Variants in DCX observed in about 807,000 individuals in gnomAD.
DCX encodes neuronal migration protein doublecortin.
In DCX, 4 loss-of-function variants were observed where a neutral mutation model predicts 20.9. The observed-to-expected ratio is 0.19, with a 90% CI of 0.09 to 0.44. The LOEUF is 0.44. Among genes scored for constraint, DCX ranks in the 20% least tolerant of loss-of-function variants. The pLI is 0.99. For synonymous variants in DCX, 103 were observed against 111.4 expected, an observed-to-expected ratio of 0.92 and a Z score of 0.47; for missense variants, 133 against 296.9, an observed-to-expected ratio of 0.45 and a Z score of 4.06.
chrX:111,299,453 T>C lies in DCX; in HGVS notation c.*2234A>G, dbSNP rs887759660. 1 of 111,426 alleles carries C rather than the reference T, an allele frequency of 9.0e-6. No individual in the cohort carries two copies. Among genetic ancestry groups the C allele is most frequent in the Non-Finnish European group, 1.9e-5 (1 of 53,151 alleles). 9.2% of individuals were successfully genotyped at this position (111,426 alleles called of 1,213,427 possible). A position where few individuals can be genotyped will look rare whatever the true frequency, so the allele number is the denominator to read the frequency against. ...GGATTCTTCCTCTGGTCCTGCTCTT[T>C]ACCAGCCTCCACTTCCTCAACTTAA... On this transcript the variant is annotated 3_prime_UTR_variant, in exon 7 of 7. Transcript: ENST00000636035.
chrX:111,403,072 T>A (rs1927937448), intron 2 of DCX, among the ~76,000 whole-genome samples: 1 of 111,085 alleles, frequency 9.0e-6, no homozygotes, highest in Admixed American at 9.6e-5. Context: ...CTGGGGTCTT[T>A]AATTTTTGAC....
chrX:111,350,898 T>C (rs1923247479), intron 3 of DCX, among the ~76,000 whole-genome samples: 2 of 112,035 alleles, frequency 1.8e-5, no homozygotes, highest in African/African-American at 6.5e-5. Flanking sequence ...AAGTCACATC[T>C]TACTTACATG....
chrX:111,312,861 TG>T lies in DCX; in HGVS notation c.947-126del. 4.7e-6 allele frequency: 3 copies of T among 640,593 alleles called. No homozygotes were observed. The East Asian group carries it at 1.0e-4, about 22-fold the overall frequency. 52.8% of individuals were successfully genotyped at this position (640,593 alleles called of 1,213,427 possible). A position where few individuals can be genotyped will look rare whatever the true frequency, so the allele number is the denominator to read the frequency against. On this transcript the variant is annotated intron_variant, in intron 5 of 6. Transcript: ENST00000636035. ...GTACACAGACAACCAAGTGATTTGG[TG>T]AGTAGAACAAAGGTGAAAAGAAACA... is the stretch of plus-strand genomic sequence containing the variant.
At chrX:111,347,029 T>C (rs942543088) in intron 3 of DCX, among the ~76,000 whole-genome samples, 3 of 111,474 alleles carry the variant, frequency 2.7e-5, no homozygotes, top group African/African-American at 9.8e-5. Context: ...GAATTTAGGC[T>C]CCACAAGAGT....
chrX:111,396,731 T>C (rs1442938299), intron 3 of DCX, among the ~76,000 whole-genome samples: 2 of 111,890 alleles, frequency 1.8e-5, no homozygotes, highest in East Asian at 5.6e-4. Flanking sequence ...TGCCAAGGAA[T>C]CAAAAGAACA....
At chrX:111,372,995 G>A (rs1925224370) in intron 3 of DCX, among the ~76,000 whole-genome samples, 1 of 111,171 alleles carries the variant, frequency 9.0e-6, no homozygotes, top group Admixed American at 9.7e-5. Context: ...AGTGTCTGGG[G>A]TTATGATGAA....
At chrX:111,325,722 A>G (rs752220909) in intron 5 of DCX, among the ~76,000 whole-genome samples, 7 of 112,408 alleles carry the variant, frequency 6.2e-5, no homozygotes, top group Non-Finnish European at 9.4e-5. Flanking sequence ...ATACAACTCA[A>G]TTTCAAAGAA....
At chrX:111,306,621 C>A (rs1474882551) in intron 6 of DCX, among the ~76,000 whole-genome samples, 3 of 111,275 alleles carry the variant, frequency 2.7e-5, no homozygotes, top group African/African-American at 6.5e-5. Context: ...AATACATATT[C>A]TTTTCAAGCT....
At chrX:111,364,224 A>T (rs1229762273) in intron 3 of DCX, among the ~76,000 whole-genome samples, 1 of 112,033 alleles carries the variant, frequency 8.9e-6, no homozygotes, top group East Asian at 2.8e-4. Flanking sequence ...GTTTTTATAC[A>T]AAACTGATCC....
rs184029404 is a variant in DCX, at chrX:111,317,600, G to T, written c.947-4864C>A. 2.2e-4 allele frequency among the ~76,000 whole-genome samples: 24 copies of T among 111,034 alleles called. No homozygotes were observed. In the East Asian group the frequency reaches 6.8e-3, roughly 31 times the overall value. On this transcript the variant is annotated intron_variant, in intron 5 of 6. Coordinates refer to ENST00000636035, the MANE Select transcript of DCX (RefSeq NM_001195553.2). ...ACTAAAGAGCTTCTGCACAGTGAAA[G>T]AAACTATCAACAGAGTGAGCAGACA...
intron 3 of DCX, among the ~76,000 whole-genome samples, chrX:111,374,530 G>C (rs924834174): frequency 9.0e-6 from 1 of 111,539 alleles, no homozygotes; most frequent in African/African-American, 3.3e-5. Context: ...ACTGTCTCTT[G>C]ATATGCTCAG....
chrX:111,388,375 G>C (rs1173238958), intron 3 of DCX, among the ~76,000 whole-genome samples: 1 of 111,768 alleles, frequency 8.9e-6, no homozygotes, highest in African/African-American at 3.2e-5. Flanking sequence ...AAAATGCAGT[G>C]GTGCCTGTTT....
chrX:111,360,283 C>A (rs748393806), intron 3 of DCX, among the ~76,000 whole-genome samples: 5 of 111,876 alleles, frequency 4.5e-5, no homozygotes, highest in African/African-American at 6.5e-5. Flanking sequence ...TAGAACCTGT[C>A]ATTTGCAACA....
intron 4 of DCX, among the ~76,000 whole-genome samples, chrX:111,332,374 AT>A (rs780856779): frequency 9.0e-6 from 1 of 111,450 alleles, no homozygotes; most frequent in East Asian, 2.8e-4. Flanking sequence ...ATTCCCTTTG[AT>A]TTTTTTTCAC....
intron 5 of DCX, among the ~76,000 whole-genome samples, chrX:111,322,941 A>G (rs1359297851): frequency 1.8e-5 from 2 of 112,152 alleles, no homozygotes; most frequent in Non-Finnish European, 3.8e-5. Flanking sequence ...CTTCCTTGTT[A>G]CAAAACAAAT....
intron 3 of DCX, among the ~76,000 whole-genome samples, chrX:111,387,761 C>T (rs1229131073): frequency 9.0e-6 from 1 of 111,392 alleles, no homozygotes; most frequent in African/African-American, 3.3e-5. Context: ...GAAACAGGGG[C>T]ACAAGTGTGT....
intron 2 of DCX, among the ~76,000 whole-genome samples, chrX:111,404,167 A>T (rs1029498619): frequency 2.2e-4 from 24 of 111,572 alleles, no homozygotes; most frequent in Middle Eastern, 4.6e-3. Flanking sequence ...AATCTTACGG[A>T]ATAGAAGCGA....
Position 111,301,134 on chromosome X carries a change from C to T in DCX, c.*553G>A, listed in dbSNP as rs774556643. ...TTGGTTTATTTCTCCCCATTGACAG[C>T]CAGAATTGGTGCTGGACAACAAACC... is the stretch of plus-strand genomic sequence containing the variant. On this transcript the variant is annotated 3_prime_UTR_variant, in exon 7 of 7. Transcript: ENST00000636035. The T allele has an allele frequency of 1.2e-3, 134 of 115,775 alleles. No individual in the cohort carries two copies. Among genetic ancestry groups the T allele is most frequent in the Middle Eastern group, 4.6e-3 (1 of 216 alleles). 9.5% of individuals were successfully genotyped at this position (115,775 alleles called of 1,213,427 possible).
chrX:111,308,931 T>C (rs760135325), intron 6 of DCX, among the ~76,000 whole-genome samples: 11 of 110,327 alleles, frequency 1.0e-4, no homozygotes, highest in African/African-American at 3.3e-4. Context: ...TAAATTTTTG[T>C]TGAATCACAC....
Sources: gnomAD v4.1 joint callset for allele counts (sites outside exome capture counted in the v4.1 genomes callset) on GRCh38, gnomAD v4.1.1 for gene constraint, MANE v1.5 for transcripts, NCBI Gene and HGNC (gene_info 2026-07-23, HGNC 2026-07-21) for gene names.